ATG10: variants seen among roughly 807,000 people sequenced by gnomAD.
ATG10 encodes ubiquitin-like-conjugating enzyme ATG10.
In ATG10, 30 loss-of-function variants were observed where a neutral mutation model predicts 32.1. The ratio of observed to expected loss-of-function variants is 0.94; its 90% CI spans 0.70 to 1.27. ATG10 has a LOEUF of 1.27. Among genes scored for constraint, ATG10 ranks in the 50% most tolerant of loss-of-function variants. The pLI, the probability that ATG10 is intolerant of heterozygous loss-of-function variation, is 0.00. For synonymous variants in ATG10, 87 were observed against 91.5 expected (o/e 0.95, Z 0.28); for missense variants, 233 against 262.3 (o/e 0.89, Z 0.77).
intron 3 of ATG10, among the ~76,000 whole-genome samples, chr5:82,135,528 T>A (rs1279069388): frequency 3.9e-5 from 6 of 152,246 alleles, no homozygotes; most frequent in Non-Finnish European, 2.9e-5. Context: ...TGCATGTAGT[T>A]GTGTGGTTTT....
At chr5:82,082,453 T>C (rs1764517226) in intron 3 of ATG10, among the ~76,000 whole-genome samples, 8 of 152,202 alleles carry the variant, frequency 5.3e-5, no homozygotes. Context: ...TCAGTTTCTT[T>C]TTCTTTCAAT....
At chr5:82,069,619 T>C (rs184114253) in intron 3 of ATG10, among the ~76,000 whole-genome samples, 46 of 152,294 alleles carry the variant, frequency 3.0e-4, no homozygotes, top group Non-Finnish European at 4.7e-4. Flanking sequence ...GAAACTGATA[T>C]CGCTTGTCTC....
intron 3 of ATG10, among the ~76,000 whole-genome samples, chr5:82,099,494 A>G (rs986414739): frequency 3.3e-5 from 5 of 152,182 alleles, no homozygotes; most frequent in East Asian, 3.9e-4. Flanking sequence ...TAGAACTCTT[A>G]TAGTGACTGA....
intron 3 of ATG10, among the ~76,000 whole-genome samples, chr5:82,131,087 G>T (rs1365647784): frequency 6.6e-6 from 1 of 152,036 alleles, no homozygotes; most frequent in Non-Finnish European, 1.5e-5. Context: ...TGGAAGGAGT[G>T]GGGTAGGTTA....
At chr5:81,989,761 G>A (rs1390622842) in intron 2 of ATG10, among the ~76,000 whole-genome samples, 1 of 151,952 alleles carries the variant, frequency 6.6e-6, no homozygotes, top group Non-Finnish European at 1.5e-5. Flanking sequence ...ACCAGGCCTG[G>A]CTAATTTTTT....
chr5:82,024,035 G>A (rs560374052), intron 2 of ATG10, among the ~76,000 whole-genome samples: 107 of 152,180 alleles, frequency 7.0e-4, no homozygotes, highest in Non-Finnish European at 1.5e-3. Context: ...CCAGAATAGG[G>A]GTTTTAACTA....
At chr5:82,157,982 TC>T (rs1225747758) in intron 3 of ATG10, among the ~76,000 whole-genome samples, 1 of 152,202 alleles carries the variant, frequency 6.6e-6, no homozygotes, top group Non-Finnish European at 1.5e-5. Context: ...GAAAAGTTTT[TC>T]TTCCTTCTCT....
chr5:82,208,037 C>T lies in ATG10; in HGVS notation c.453+29450C>T, dbSNP rs887626674. 3.3e-5 allele frequency among the ~76,000 whole-genome samples: 5 copies of T among 151,954 alleles called. No individual in the cohort carries two copies. The East Asian group carries it at 5.8e-4, about 18-fold the overall frequency. ...ATACAAGTCATATTTCATTTTTTCC[C>T]GATATGGATATCCAATTTTCTCAGC... On this transcript the variant is annotated intron_variant, in intron 5 of 7. Transcript: ENST00000282185.
chr5:82,044,366 A>G (rs562268530), intron 2 of ATG10, among the ~76,000 whole-genome samples: 1 of 152,234 alleles, frequency 6.6e-6, no homozygotes, highest in East Asian at 1.9e-4. Context: ...CTAATTCAAC[A>G]TGAGATTTGG....
At chr5:82,194,218 C>T (rs1270545320) in intron 5 of ATG10, among the ~76,000 whole-genome samples, 1 of 151,980 alleles carries the variant, frequency 6.6e-6, no homozygotes, top group Non-Finnish European at 1.5e-5. Flanking sequence ...TTGGAAGAAG[C>T]CAAGTAAAAT....
intron 3 of ATG10, among the ~76,000 whole-genome samples, chr5:82,086,936 C>T (rs1764715476): frequency 6.6e-6 from 1 of 152,076 alleles, no homozygotes; most frequent in South Asian, 2.1e-4. Context: ...ATGCTTTCAT[C>T]TGTATATTTG....
intron 5 of ATG10, among the ~76,000 whole-genome samples, chr5:82,249,443 A>G (rs1348730324): frequency 6.6e-6 from 1 of 152,200 alleles, no homozygotes; most frequent in African/African-American, 2.4e-5. Context: ...CCATAAGACT[A>G]CTTTCTGAAT....
chr5:82,127,108 C>T (rs1285318796), intron 3 of ATG10, among the ~76,000 whole-genome samples: 1 of 152,204 alleles, frequency 6.6e-6, no homozygotes, highest in Non-Finnish European at 1.5e-5. Flanking sequence ...GTTTGTATTT[C>T]TGTGGGATTG....
intron 2 of ATG10, among the ~76,000 whole-genome samples, chr5:82,055,243 G>GA (rs1763554889): frequency 6.6e-6 from 1 of 151,574 alleles, no homozygotes; most frequent in Non-Finnish European, 1.5e-5. Flanking sequence ...GATTGATACT[G>GA]AAAAAAAATC....
intron 3 of ATG10, among the ~76,000 whole-genome samples, chr5:82,139,215 G>A (rs996013287): frequency 1.4e-5 from 2 of 146,356 alleles, no homozygotes; most frequent in African/African-American, 5.2e-5. Flanking sequence ...CCAGCCGCCT[G>A]CCTTGGCCTC....
At chr5:82,171,811 G>A (rs185042640) in intron 4 of ATG10, among the ~76,000 whole-genome samples, 74 of 152,200 alleles carry the variant, frequency 4.9e-4, no homozygotes, top group Admixed American at 1.4e-3. Flanking sequence ...AAATAATGTT[G>A]AACTTTCATC....
At chr5:81,998,823 C>T (rs1313999237) in intron 2 of ATG10, among the ~76,000 whole-genome samples, 1 of 152,146 alleles carries the variant, frequency 6.6e-6, no homozygotes, top group Non-Finnish European at 1.5e-5. Context: ...GGGCACAGTT[C>T]AACAAGAGGA....
At chr5:82,197,712 TTCTTTCTTTCTA>T (rs897735489) in intron 5 of ATG10, among the ~76,000 whole-genome samples, 2 of 144,916 alleles carry the variant, frequency 1.4e-5, no homozygotes, top group African/African-American at 5.2e-5. Flanking sequence ...TTTTCTTTCT[TTCTTTCTTTCTA>T]TCTATCTATC....
intron 5 of ATG10, among the ~76,000 whole-genome samples, chr5:82,220,675 G>C (rs1437196110): frequency 2.0e-5 from 3 of 150,574 alleles, no homozygotes; most frequent in Admixed American, 2.0e-4. Context: ...TGTCGCCTAG[G>C]CTGGAGTGCA....
Sources: allele counts gnomAD v4.1 joint callset (sites outside exome capture counted in the v4.1 genomes callset), GRCh38; gene constraint gnomAD v4.1.1; transcripts MANE v1.5; gene names NCBI Gene and HGNC (gene_info 2026-07-23, HGNC 2026-07-21).